Variants in GPX5 observed in about 807,000 individuals in gnomAD.
GPX5 encodes the protein glutathione peroxidase 5, also known as epididymal secretory glutathione peroxidase.
Under a neutral mutation model 23.8 loss-of-function variants are expected in GPX5, and 20 were observed. The observed-to-expected ratio is 0.84, with a 90% CI of 0.59 to 1.22. The LOEUF is 1.22. Ranked by LOEUF, GPX5 falls within the 50% of genes most tolerant of loss-of-function variation. The pLI, the probability that GPX5 is intolerant of heterozygous loss-of-function variation, is 0.00. For synonymous variants in GPX5, 92 were observed against 99.5 expected (o/e 0.92, Z 0.45); for missense variants, 230 against 266.6 (o/e 0.86, Z 0.96).
chr6:28,534,227 C>A lies in GPX5; in HGVS notation c.*60C>A. On this transcript the variant is annotated 3_prime_UTR_variant, in exon 5 of 5. Transcript: ENST00000412168. ...CTCACCTAATGACTTGCTCTCCCCACCCCTCCAAAAAAAAGGAATACCCAT... is the reference window on the plus strand; with the variant it reads ...CTCACCTAATGACTTGCTCTCCCCAACCCTCCAAAAAAAAGGAATACCCAT... The A allele has an allele frequency of 1.6e-6, 2 of 1,259,332 alleles. No individual in the cohort carries two copies. The highest frequency in any genetic ancestry group is 2.2e-6 in the Non-Finnish European group (2 of 920,668). The allele number at this position is 1,259,332 out of a possible 1,614,324, so 78.0% of individuals were successfully genotyped here. A position where few individuals can be genotyped will look rare whatever the true frequency, so the allele number is the denominator to read the frequency against.
In GPX5 at chr6:28,534,102, C is replaced by T. The variant is rs780349667; in HGVS notation, c.601C>T (p.Arg201Trp). 6.1e-5 allele frequency: 99 copies of T among 1,611,258 alleles called. 1 individual carries two copies. Among genetic ancestry groups the T allele is most frequent in the Non-Finnish European group, 1.9e-5 (22 of 1,178,988 alleles). ...AATCCCTGTCATGCGCTGGTCCCAC[C>T]GGGCTACGGTCAGCTCAGTCAAGAC... Reference protein sequence around the residue: ...DGIPVMRWSHRATVSSVKTDI... With the variant: ...DGIPVMRWSHWATVSSVKTDI... Residue 201 changes from arginine to tryptophan, a missense_variant, in exon 5 of 5, where the codon CGG (arginine) becomes TGG (tryptophan). Transcript: ENST00000412168.
At chr6:28,527,221 T>C (rs1314522909) in intron 1 of GPX5, 1 of 152,050 alleles carries the variant, frequency 6.6e-6, no homozygotes, top group Non-Finnish European at 1.5e-5. Flanking sequence ...GTACCCAACA[T>C]GACTGTGAGT....
rs143719221 is a variant in GPX5, at chr6:28,526,031, G to A, written c.18G>A (p.Arg6=). The change falls in exon 1 of 5, where the codon AGG becomes AGA. Residue 6 remains arginine, a synonymous_variant. Coordinates refer to ENST00000412168, the MANE Select transcript of GPX5 (RefSeq NM_001509.3). ...CACTAGTCATGACTACACAGTTAAG[G>A]GTCGTCCATCTGCTTCCCCTTCTCC... MTTQL[R]VVHLLPLLLA... is the part of the protein sequence containing the mutation. The A allele has an allele frequency of 6.2e-7, 1 of 1,612,708 alleles. No homozygotes were observed. Among genetic ancestry groups the A allele is most frequent in the Admixed American group, 1.7e-5 (1 of 60,012 alleles).
Position 28,534,276 on chromosome 6 carries a change from C to A in GPX5, c.*109C>A. ...ATCTTCTCACCACACTCTCTTCCTG[C>A]ATGGGCTCCACCTGAGTAAATCACC... On this transcript the variant is annotated 3_prime_UTR_variant, in exon 5 of 5. Transcript: ENST00000412168. 1.5e-6 allele frequency: 1 copy of A among 684,440 alleles called. No individual in the cohort carries two copies. The highest frequency in any genetic ancestry group is 2.3e-6 in the Non-Finnish European group (1 of 428,020). 42.4% of individuals were successfully genotyped at this position (684,440 alleles called of 1,614,324 possible).
Position 28,532,421 on chromosome 6 carries a change from G to A in GPX5, c.459+1G>A. ...ACAGAAAGTCTTCAGTTTCTTGAAGGTGAGTAAATTCCTGGCATAAGCCTC... is the reference window on the plus strand; with the variant it reads ...ACAGAAAGTCTTCAGTTTCTTGAAGATGAGTAAATTCCTGGCATAAGCCTC... On this transcript the variant is annotated splice_donor_variant, in intron 4 of 4. Transcript: ENST00000412168. LOFTEE classifies it high-confidence loss of function. 1 of 1,560,510 alleles carries A rather than the reference G, an allele frequency of 6.4e-7. No individual in the cohort carries two copies. Among genetic ancestry groups the A allele is most frequent in the Non-Finnish European group, 8.7e-7 (1 of 1,146,772 alleles).
intron 1 of GPX5, chr6:28,528,089 G>A (rs1034311677): frequency 6.6e-6 from 1 of 152,232 alleles, no homozygotes; most frequent in African/African-American, 2.4e-5. Flanking sequence ...ATGGGCTGAT[G>A]AGCTGGGTGA....
Position 28,526,034 on chromosome 6 carries a change from C to A in GPX5, c.21C>A (p.Val7=). The change falls in exon 1 of 5, where the codon GTC becomes GTA. Residue 7 remains valine, a synonymous_variant. Coordinates refer to ENST00000412168, the MANE Select transcript of GPX5 (RefSeq NM_001509.3). ...TAGTCATGACTACACAGTTAAGGGTCGTCCATCTGCTTCCCCTTCTCCTAG... is the reference window on the plus strand; with the variant it reads ...TAGTCATGACTACACAGTTAAGGGTAGTCCATCTGCTTCCCCTTCTCCTAG... MTTQLR[V]VHLLPLLLAC... is the part of the protein sequence containing the mutation. 6.2e-7 allele frequency: 1 copy of A among 1,612,634 alleles called. No individual in the cohort carries two copies.
chr6:28,531,396 AAAG>A (rs1562010441), intron 2 of GPX5, among the ~76,000 whole-genome samples: 1 of 92,406 alleles, frequency 1.1e-5, no homozygotes, highest in Non-Finnish European at 2.2e-5. Context: ...AAAAAAAAGA[AAAG>A]AAAAGAAAAG....
In GPX5 at chr6:28,525,982, G is replaced by A. The variant is rs536974922; in HGVS notation, c.-32G>A. The A allele has an allele frequency of 8.5e-6, 13 of 1,521,726 alleles. No homozygotes were observed. The African/African-American group carries it at 1.6e-4, about 19-fold the overall frequency. The allele number at this position is 1,521,726 out of a possible 1,614,324, so 94.3% of individuals were successfully genotyped here. A position where few individuals can be genotyped will look rare whatever the true frequency, so the allele number is the denominator to read the frequency against. On this transcript the variant is annotated 5_prime_UTR_variant, in exon 1 of 5. Transcript: ENST00000412168. Reference sequence around the variant, plus strand: ...CTGCAGAGGTGGGCAAAGACCTCAGGCCCCCAGACTAGCAATCTACAAACA... The same window carrying A: ...CTGCAGAGGTGGGCAAAGACCTCAGACCCCCAGACTAGCAATCTACAAACA...
Position 28,528,809 on chromosome 6 carries a change from G to A in GPX5, c.88-642G>A, listed in dbSNP as rs868488846. Among the ~76,000 whole-genome samples the A allele has an allele frequency of 2.6e-3, 278 of 105,266 alleles. 4 individuals are homozygous for A. The highest frequency in any genetic ancestry group is 3.9e-3 in the Non-Finnish European group (204 of 51,880). 69.1% of individuals were successfully genotyped at this position (105,266 alleles called of 152,430 possible). A position where few individuals can be genotyped will look rare whatever the true frequency, so the allele number is the denominator to read the frequency against. Reference sequence around the variant, plus strand: ...TATATATATGTGTATATATATATATGTGTGTATATATATATATATATATAT... The same window carrying A: ...TATATATATGTGTATATATATATATATGTGTATATATATATATATATATAT... On this transcript the variant is annotated intron_variant, in intron 1 of 4. Coordinates refer to ENST00000412168, the MANE Select transcript of GPX5 (RefSeq NM_001509.3).
At position 28,534,139 on chromosome 6, in the gene GPX5, C is replaced by A. The variant is rs531172601; in HGVS notation, c.638C>A (p.Ala213Glu). The change falls in exon 5 of 5, where the codon GCG (alanine) becomes GAG (glutamate). Residue 213 changes from alanine (A) to glutamate (E), a missense_variant. Transcript: ENST00000412168. ...AGCTCAGTCAAGACAGACATCCTGGCGTACTTGAAGCAATTCAAAACCAAA... is the reference window on the plus strand; with the variant it reads ...AGCTCAGTCAAGACAGACATCCTGGAGTACTTGAAGCAATTCAAAACCAAA... ...TVSSVKTDIL[A>E]YLKQFKTK 3.1e-6 allele frequency: 5 copies of A among 1,600,946 alleles called. No homozygotes were observed. The highest frequency in any genetic ancestry group is 2.6e-6 in the Non-Finnish European group (3 of 1,174,352).
rs1331705217 is a variant in GPX5, at chr6:28,534,128, A to G, written c.627A>G (p.Thr209=). Residue 209 remains threonine (T), a synonymous_variant, in exon 5 of 5, where the codon ACA becomes ACG. Transcript: ENST00000412168. ...SHRATVSSVK[T]DILAYLKQFK... is the part of the protein sequence containing the mutation. ...GGGCTACGGTCAGCTCAGTCAAGAC[A>G]GACATCCTGGCGTACTTGAAGCAAT... 6.2e-7 allele frequency: 1 copy of G among 1,606,448 alleles called. No individual in the cohort carries two copies. Among genetic ancestry groups the G allele is most frequent in the Non-Finnish European group, 8.5e-7 (1 of 1,176,796 alleles).
rs567969552 is a variant in GPX5, at chr6:28,534,110, G to C, written c.609G>C (p.Thr203=). 1 of 1,610,180 alleles carries C rather than the reference G, an allele frequency of 6.2e-7. No homozygotes were observed. The highest frequency in any genetic ancestry group is 1.7e-5 in the Admixed American group (1 of 59,288). ...TCATGCGCTGGTCCCACCGGGCTAC[G>C]GTCAGCTCAGTCAAGACAGACATCC... ...IPVMRWSHRA[T]VSSVKTDILA... The change falls in exon 5 of 5, where the codon ACG becomes ACC. Residue 203 remains threonine, a synonymous_variant. Coordinates refer to ENST00000412168, the MANE Select transcript of GPX5 (RefSeq NM_001509.3).
chr6:28,532,393 A>G lies in GPX5; in HGVS notation c.432A>G (p.Lys144=). The G allele has an allele frequency of 6.3e-7, 1 of 1,592,540 alleles. No individual in the cohort carries two copies. Among genetic ancestry groups the G allele is most frequent in the Non-Finnish European group, 8.5e-7 (1 of 1,172,212 alleles). ...AGAAAGGGGATGTGAATGGTGAAAA[A>G]GAACAGAAAGTCTTCAGTTTCTTGA... ...LFEKGDVNGE[K]EQKVFSFLKH... The change falls in exon 4 of 5, where the codon AAA becomes AAG. Residue 144 remains lysine, a synonymous_variant. Coordinates refer to ENST00000412168, the MANE Select transcript of GPX5 (RefSeq NM_001509.3).
Position 28,534,246 on chromosome 6 carries a change from T to G in GPX5, c.*79T>G. ...TCCCCACCCCTCCAAAAAAAAGGAA[T>G]ACCCATCTTCTCACCACACTCTCTT... is the stretch of plus-strand genomic sequence containing the variant. On this transcript the variant is annotated 3_prime_UTR_variant, in exon 5 of 5. Transcript: ENST00000412168. 1 of 1,019,250 alleles carries G rather than the reference T, an allele frequency of 9.8e-7. No individual in the cohort carries two copies. Among genetic ancestry groups the G allele is most frequent in the Non-Finnish European group, 1.4e-6 (1 of 708,236 alleles). The allele number at this position is 1,019,250 out of a possible 1,614,324, so 63.1% of individuals were successfully genotyped here.
chr6:28,530,163 G>C (rs1434930852), intron 2 of GPX5: 2 of 152,204 alleles, frequency 1.3e-5, no homozygotes, highest in South Asian at 4.1e-4. Context: ...TTTTATACCT[G>C]GAACTGCATT....
Position 28,534,017 on chromosome 6 carries a change from C to T in GPX5, c.516C>T (p.Asp172=), listed in dbSNP as rs1292950065. The T allele has an allele frequency of 6.2e-7, 1 of 1,609,746 alleles. No homozygotes were observed. Among genetic ancestry groups the T allele is most frequent in the African/African-American group, 1.3e-5 (1 of 74,842 alleles). Residue 172 remains aspartate, a synonymous_variant, in exon 5 of 5, where the codon GAC becomes GAT. Coordinates refer to ENST00000412168, the MANE Select transcript of GPX5 (RefSeq NM_001509.3). The part of the protein sequence containing the change: ...ILGTFKSISW[D]PVKVHDIRWN... ...GCACATTCAAATCTATATCCTGGGA[C>T]CCTGTAAAGGTCCATGACATCCGTT...
rs1763270277 is a variant in GPX5, at chr6:28,529,439, A to G, written c.88-12A>G. On this transcript the variant is annotated splice_polypyrimidine_tract_variant and intron_variant, in intron 1 of 4. Coordinates refer to ENST00000412168, the MANE Select transcript of GPX5 (RefSeq NM_001509.3). ...TTGTTACCAGTATTATCACTTAAAA[A>G]AAATCTTCCAGATGGATTGCCACAA... is the stretch of plus-strand genomic sequence containing the variant. 2.5e-6 allele frequency: 4 copies of G among 1,597,874 alleles called. No individual in the cohort carries two copies. In the South Asian group the frequency reaches 4.5e-5, roughly 18 times the overall value.
chr6:28,532,176 A>G, intron 3 of GPX5, 145 bp from the exon 4 acceptor site: 1 of 638,106 alleles, frequency 1.6e-6, no homozygotes, highest in Non-Finnish European at 2.8e-6. Flanking sequence ...AGAGAGCCCA[A>G]AGTCAAAACA....
Sources: gnomAD v4.1 joint callset for allele counts (sites outside exome capture counted in the v4.1 genomes callset) on GRCh38, gnomAD v4.1.1 for gene constraint, MANE v1.5 for transcripts, NCBI Gene and HGNC (gene_info 2026-07-23, HGNC 2026-07-21) for gene names.